WWOX: variants seen among roughly 807,000 people sequenced by gnomAD.
WWOX encodes WW domain-containing oxidoreductase.
A neutral mutation model predicts 46.2 loss-of-function variants in WWOX; 69 were observed. The observed-to-expected ratio is 1.49, with a 90% CI of 1.23 to 1.82. The LOEUF is 1.82. Among genes scored for constraint, WWOX ranks in the 40% most tolerant of loss-of-function variants. The pLI is 0.00. For missense variants in WWOX, 919 were observed against 542.6 expected, an observed-to-expected ratio of 1.69 and a Z score of -6.89; for synonymous variants, 359 against 202.6, an observed-to-expected ratio of 1.77 and a Z score of -6.56.
At chr16:79,017,642 G>A (rs899681129) in intron 8 of WWOX, among the ~76,000 whole-genome samples, 1 of 151,596 alleles carries the variant, frequency 6.6e-6, no homozygotes, top group African/African-American at 2.4e-5. Flanking sequence ...GCCGTGTTCT[G>A]ATAAAAGTTT....
intron 8 of WWOX, among the ~76,000 whole-genome samples, chr16:78,819,316 A>C (rs1444418561): frequency 6.6e-6 from 1 of 152,128 alleles, no homozygotes; most frequent in Non-Finnish European, 1.5e-5. Flanking sequence ...CACCGGACCA[A>C]ATTGAGGACT....
chr16:78,473,319 A>G (rs1203579749), intron 8 of WWOX, among the ~76,000 whole-genome samples: 1 of 152,170 alleles, frequency 6.6e-6, no homozygotes, highest in Non-Finnish European at 1.5e-5. Flanking sequence ...TAGTGGAGAC[A>G]GGATTTCACC....
At chr16:78,409,283 C>G (rs2082619174) in intron 6 of WWOX, among the ~76,000 whole-genome samples, 1 of 152,212 alleles carries the variant, frequency 6.6e-6, no homozygotes, top group East Asian at 1.9e-4. Context: ...TTATGACAAA[C>G]ACAGTCATAG....
At chr16:78,217,144 G>T (rs1349461994) in intron 5 of WWOX, among the ~76,000 whole-genome samples, 2 of 152,200 alleles carry the variant, frequency 1.3e-5, no homozygotes, top group Non-Finnish European at 1.5e-5. Flanking sequence ...GACATCTTTG[G>T]TTGGGAAATG....
At chr16:79,122,820 C>G (rs967409519) in intron 8 of WWOX, among the ~76,000 whole-genome samples, 4 of 152,144 alleles carry the variant, frequency 2.6e-5, no homozygotes, top group Non-Finnish European at 5.9e-5. Flanking sequence ...GAAGTGAGCT[C>G]AATGAAATAC....
chr16:78,637,346 C>G (rs1438169926), intron 8 of WWOX, among the ~76,000 whole-genome samples: 1 of 151,648 alleles, frequency 6.6e-6, no homozygotes, highest in Non-Finnish European at 1.5e-5. Context: ...GAGGCTGATG[C>G]AGCAGAGTCT....
intron 8 of WWOX, among the ~76,000 whole-genome samples, chr16:79,050,328 G>A (rs182626784): frequency 6.6e-6 from 1 of 152,302 alleles, no homozygotes; most frequent in East Asian, 1.9e-4. Flanking sequence ...GGGCACTTTA[G>A]CTGGGGTGGT....
At chr16:78,678,478 G>T (rs561108277) in intron 8 of WWOX, among the ~76,000 whole-genome samples, 1 of 152,216 alleles carries the variant, frequency 6.6e-6, no homozygotes, top group South Asian at 2.1e-4. Flanking sequence ...TTGAGCACCT[G>T]TTTGTTCAGG....
intron 5 of WWOX, among the ~76,000 whole-genome samples, chr16:78,334,808 GCACACACACACACACACACACACATACA>G (rs1328934025): frequency 0.019 from 1,536 of 78,824 alleles, 31 homozygotes; most frequent in African/African-American, 0.072. Flanking sequence ...ACACACACAC[GCACACACACACACACACACACACATACA>G]CACACACACA....
At chr16:78,820,060 T>C (rs1164002034) in intron 8 of WWOX, among the ~76,000 whole-genome samples, 1 of 152,232 alleles carries the variant, frequency 6.6e-6, no homozygotes, top group Non-Finnish European at 1.5e-5. Context: ...TATTTACCTC[T>C]GTACTGTCAT....
chr16:78,106,712 G>A lies in WWOX; in HGVS notation c.108-1711G>A, dbSNP rs1031609105. Reference sequence around the variant, plus strand: ...ATTACAGACATGAGCCACCGCGCCCGGCCACAGAGCTGCTTTTTTTTGCAA... The same window carrying A: ...ATTACAGACATGAGCCACCGCGCCCAGCCACAGAGCTGCTTTTTTTTGCAA... On this transcript the variant is annotated intron_variant, in intron 1 of 8. Transcript: ENST00000566780. 4.6e-5 allele frequency among the ~76,000 whole-genome samples: 7 copies of A among 152,134 alleles called. 1 individual carries two copies. Among genetic ancestry groups the A allele is most frequent in the Admixed American group, 3.9e-4 (6 of 15,266 alleles).
intron 8 of WWOX, among the ~76,000 whole-genome samples, chr16:78,960,985 A>G (rs16949036): frequency 0.31 from 46,448 of 152,116 alleles, 8,641 homozygotes; most frequent in Non-Finnish European, 0.4. Flanking sequence ...TGTATTCTCC[A>G]TGGAGTATCT....
chr16:78,631,107 G>A (rs919466495), intron 8 of WWOX, among the ~76,000 whole-genome samples: 1 of 152,120 alleles, frequency 6.6e-6, no homozygotes, highest in African/African-American at 2.4e-5. Context: ...TACATTATAT[G>A]CAAATACTAT....
At chr16:78,962,405 C>G (rs1313020462) in intron 8 of WWOX, among the ~76,000 whole-genome samples, 1 of 137,332 alleles carries the variant, frequency 7.3e-6, no homozygotes, top group Admixed American at 8.0e-5. Context: ...GGCTAGGAGG[C>G]TGAGGAGTTT....
chr16:78,234,603 A>T (rs116783926), intron 5 of WWOX, among the ~76,000 whole-genome samples: 1 of 152,214 alleles, frequency 6.6e-6, no homozygotes, highest in East Asian at 1.9e-4. Flanking sequence ...TGAATAAGGT[A>T]TTTTTGAATT....
At chr16:78,732,881 C>T (rs1597509873) in intron 8 of WWOX, among the ~76,000 whole-genome samples, 1 of 152,266 alleles carries the variant, frequency 6.6e-6, no homozygotes, top group South Asian at 2.1e-4. Context: ...TTCTTTCTTT[C>T]TTGAGAATAA....
intron 8 of WWOX, among the ~76,000 whole-genome samples, chr16:79,072,917 C>A (rs768923375): frequency 6.6e-6 from 1 of 152,136 alleles, no homozygotes; most frequent in Non-Finnish European, 1.5e-5. Context: ...TTGCCACTTT[C>A]AGCTAAGTGG....
chr16:78,791,208 C>T (rs1049464192), intron 8 of WWOX, among the ~76,000 whole-genome samples: 45 of 151,854 alleles, frequency 3.0e-4, no homozygotes, highest in Admixed American at 2.0e-3. Context: ...CGTAAGGTGC[C>T]GGGACAGGGC....
chr16:79,021,315 T>C (rs774925931), intron 8 of WWOX, among the ~76,000 whole-genome samples: 29 of 152,180 alleles, frequency 1.9e-4, no homozygotes, highest in East Asian at 1.9e-4. Flanking sequence ...TAGCGAGATA[T>C]TGTCTCTACT....
Sources: gnomAD v4.1 joint callset for allele counts (sites outside exome capture counted in the v4.1 genomes callset) on GRCh38, gnomAD v4.1.1 for gene constraint, MANE v1.5 for transcripts, NCBI Gene and HGNC (gene_info 2026-07-23, HGNC 2026-07-21) for gene names.